The following NPAS3 variants were observed in gnomAD, a reference collection of about 807,000 sequenced individuals.
The protein encoded by NPAS3 is neuronal PAS domain-containing protein 3.
Under a neutral mutation model 73.1 loss-of-function variants are expected in NPAS3, and 14 were observed. The observed-to-expected ratio is 0.19, with a 90% CI of 0.13 to 0.30. NPAS3 has a LOEUF of 0.30. Ranked by LOEUF, NPAS3 falls within the 10% of genes least tolerant of loss-of-function variation. The probability of loss-of-function intolerance (pLI) is 1.00; values close to 1 mark genes in which losing one functional copy is unlikely to be tolerated. For missense variants in NPAS3, 1,096 were observed against 1,250.0 expected, an observed-to-expected ratio of 0.88 and a Z score of 1.86; for synonymous variants, 620 against 541.5, an observed-to-expected ratio of 1.14 and a Z score of -2.01.
Position 33,491,562 on chromosome 14 carries a change from T to G in NPAS3, c.469-68559T>G, listed in dbSNP as rs76466593. Among the ~76,000 whole-genome samples, 1,077 of 152,290 alleles carry G rather than the reference T, an allele frequency of 7.1e-3. 15 individuals are homozygous for G. The highest frequency in any genetic ancestry group is 0.025 in the African/African-American group (1,029 of 41,582). Reference sequence around the variant, plus strand: ...AGATGTTCTTTAATTATAATTAATTTGAAGAGGCAAATATGGTTGGTAGCT... The same window carrying G: ...AGATGTTCTTTAATTATAATTAATTGGAAGAGGCAAATATGGTTGGTAGCT... On this transcript the variant is annotated intron_variant, in intron 4 of 11. Transcript: ENST00000356141.
At chr14:33,646,884 C>T (rs1006156662) in intron 5 of NPAS3, among the ~76,000 whole-genome samples, 1 of 152,028 alleles carries the variant, frequency 6.6e-6, no homozygotes, top group South Asian at 2.1e-4. Flanking sequence ...AGAAACTCCC[C>T]CAGAGGTATA....
downstream of NPAS3, chr14:33,801,417 C>T (rs2063712360): frequency 2.5e-6 from 1 of 398,104 alleles, no homozygotes. Context: ...GTATATGCCT[C>T]TGCCATAGAA....
chr14:33,336,777 T>G (rs2140296982), intron 3 of NPAS3, among the ~76,000 whole-genome samples: 1 of 152,244 alleles, frequency 6.6e-6, no homozygotes, highest in South Asian at 2.1e-4. Context: ...CTCCAGAGAG[T>G]GAGAATCTTG....
chr14:33,199,110 C>G (rs2046507408), intron 2 of NPAS3, among the ~76,000 whole-genome samples: 1 of 152,162 alleles, frequency 6.6e-6, no homozygotes, highest in Admixed American at 6.5e-5. Flanking sequence ...CTGGTTCCTG[C>G]CCGTGCCTCT....
At chr14:33,307,613 TC>T (rs1566781306) in intron 3 of NPAS3, among the ~76,000 whole-genome samples, 13 of 44,122 alleles carry the variant, frequency 2.9e-4, no homozygotes, top group African/African-American at 4.5e-4. Context: ...GTGTGTGTGT[TC>T]GTGTGCGTGC....
chr14:32,970,816 T>C (rs962816006), intron 1 of NPAS3, among the ~76,000 whole-genome samples: 2 of 152,204 alleles, frequency 1.3e-5, no homozygotes, highest in African/African-American at 4.8e-5. Context: ...GTAACACATT[T>C]TTCATTTGTG....
At chr14:33,708,958 A>C (rs913683219) in intron 6 of NPAS3, among the ~76,000 whole-genome samples, 3 of 152,138 alleles carry the variant, frequency 2.0e-5, no homozygotes, top group African/African-American at 7.2e-5. Flanking sequence ...CATTTTCTCC[A>C]TTTGCAAAGT....
chr14:33,138,053 T>TTC (rs10655226), intron 2 of NPAS3, among the ~76,000 whole-genome samples: 57,851 of 145,112 alleles, frequency 0.4, 11,254 homozygotes, highest in African/African-American at 0.49. Context: ...ATCTATCACT[T>TTC]TTTTTTTTTT....
At chr14:33,740,247 G>A (rs563252680) in intron 7 of NPAS3, among the ~76,000 whole-genome samples, 1 of 152,096 alleles carries the variant, frequency 6.6e-6, no homozygotes, top group Non-Finnish European at 1.5e-5. Context: ...TTGAAGATAA[G>A]TAAAATGGAG....
In NPAS3 at chr14:33,759,311, A is replaced by G. The variant is rs116360787; in HGVS notation, c.853-15026A>G. ...CTCTGCAGAAGTGTTTTTGAAAGGG[A>G]AGCCTTTTCAAAGTGGACCAATGTT... On this transcript the variant is annotated intron_variant, in intron 7 of 11. Coordinates refer to ENST00000356141, the Ensembl canonical transcript of NPAS3. Among the ~76,000 whole-genome samples, 1,180 of 152,346 alleles carry G rather than the reference A, an allele frequency of 7.7e-3. 14 individuals carry two copies. The highest frequency in any genetic ancestry group is 0.023 in the African/African-American group (977 of 41,584).
intron 5 of NPAS3, among the ~76,000 whole-genome samples, chr14:33,623,913 G>T (rs2058151552): frequency 6.6e-6 from 1 of 152,054 alleles, no homozygotes; most frequent in Non-Finnish European, 1.5e-5. Context: ...AAAAAGAAAT[G>T]CTAAAAGGAC....
chr14:33,578,899 A>T (rs2056554463), intron 5 of NPAS3, among the ~76,000 whole-genome samples: 1 of 152,206 alleles, frequency 6.6e-6, no homozygotes, highest in Non-Finnish European at 1.5e-5. Context: ...AATTAAAGGG[A>T]ATTCAAATGT....
intron 4 of NPAS3, among the ~76,000 whole-genome samples, chr14:33,557,338 G>A (rs1408657210): frequency 6.6e-6 from 1 of 152,166 alleles, no homozygotes; most frequent in Non-Finnish European, 1.5e-5. Flanking sequence ...GTAACCTCCT[G>A]TGGAAGTAAC....
intron 4 of NPAS3, among the ~76,000 whole-genome samples, chr14:33,529,166 A>G (rs574382418): frequency 6.6e-6 from 1 of 152,226 alleles, no homozygotes; most frequent in East Asian, 1.9e-4. Flanking sequence ...TGCTCTGGCC[A>G]CCACACTGTA....
At chr14:33,323,677 T>C (rs928557570) in intron 3 of NPAS3, among the ~76,000 whole-genome samples, 10 of 152,246 alleles carry the variant, frequency 6.6e-5, no homozygotes, top group African/African-American at 2.4e-4. Context: ...ACACTCCTCA[T>C]GATGATTTCA....
At chr14:33,548,583 C>T (rs920356596) in intron 4 of NPAS3, among the ~76,000 whole-genome samples, 1 of 152,246 alleles carries the variant, frequency 6.6e-6, no homozygotes, top group Non-Finnish European at 1.5e-5. Flanking sequence ...TGTTATACAA[C>T]TTCAGTAAAC....
intron 3 of NPAS3, among the ~76,000 whole-genome samples, chr14:33,354,624 G>A (rs1025990767): frequency 6.6e-6 from 1 of 152,164 alleles, no homozygotes; most frequent in East Asian, 1.9e-4. Flanking sequence ...TAGGCATCAA[G>A]ATGGGCTTGT....
intron 4 of NPAS3, among the ~76,000 whole-genome samples, chr14:33,440,843 A>G (rs972698195): frequency 2.0e-5 from 3 of 152,022 alleles, no homozygotes; most frequent in African/African-American, 4.8e-5. Flanking sequence ...GCAATGAGCC[A>G]AGACTGCGCC....
intron 3 of NPAS3, among the ~76,000 whole-genome samples, chr14:33,350,800 G>C (rs775151480): frequency 6.6e-6 from 1 of 152,172 alleles, no homozygotes; most frequent in African/African-American, 2.4e-5. Context: ...AAACATCCAA[G>C]TAATCCGTAC....
Sources: gnomAD v4.1 joint callset for allele counts (sites outside exome capture counted in the v4.1 genomes callset) on GRCh38, gnomAD v4.1.1 for gene constraint, MANE v1.5 for transcripts, NCBI Gene and HGNC (gene_info 2026-07-23, HGNC 2026-07-21) for gene names.